OR8H2: variants seen among roughly 807,000 people sequenced by gnomAD.
OR8H2 encodes the protein olfactory receptor 8H2.
For missense variants in OR8H2, 374 were observed against 371.1 expected (o/e 1.01, Z -0.06); for synonymous variants, 157 against 139.2 (o/e 1.13, Z -0.90).
In OR8H2 at chr11:56,105,398, C is replaced by G. The variant is rs1375063231; in HGVS notation, c.356C>G (p.Ala119Gly). ...TAECYLLSSM[A>G]HDRYAAICSP... Reference sequence around the variant, plus strand: ...GAATGTTACCTTCTCTCCTCAATGGCCCATGATCGCTATGCAGCGATCTGC... The same window carrying G: ...GAATGTTACCTTCTCTCCTCAATGGGCCATGATCGCTATGCAGCGATCTGC... Residue 119 changes from alanine (A) to glycine (G), a missense_variant, in exon 2 of 2, where the codon GCC becomes GGC. Coordinates refer to ENST00000313503, the MANE Select transcript of OR8H2 (RefSeq NM_001386064.1). The G allele has an allele frequency of 7.4e-6, 12 of 1,614,104 alleles. No homozygotes were observed. The highest frequency in any genetic ancestry group is 9.3e-6 in the Non-Finnish European group (11 of 1,180,018).
At position 56,104,991 on chromosome 11, in the gene OR8H2, C is replaced by A. The variant is rs550210342; in HGVS notation, c.-52C>A. On this transcript the variant is annotated 5_prime_UTR_variant, in exon 2 of 2. Coordinates refer to ENST00000313503, the MANE Select transcript of OR8H2 (RefSeq NM_001386064.1). ...CTTCTCCAGTAGCTGGGATTACAGG[C>A]GCCCCTGCTACGTATCAGCTTTGAT... 12 of 1,459,994 alleles carry A rather than the reference C, an allele frequency of 8.2e-6. No individual in the cohort carries two copies. The South Asian group carries it at 1.2e-4, about 14-fold the overall frequency. The allele number at this position is 1,459,994 out of a possible 1,614,324, so 90.4% of individuals were successfully genotyped here.
chr11:56,105,085 C>T lies in OR8H2; in HGVS notation c.43C>T (p.Leu15Phe), dbSNP rs1467889462. The T allele has an allele frequency of 3.7e-6, 6 of 1,613,908 alleles. No individual in the cohort carries two copies. In the Admixed American group the frequency reaches 6.7e-5, roughly 18 times the overall value. ...TAACACAAATGTGGCTGACTTCATC[C>T]TTATGGGACTGACACTTTCTGAAGA... ...RNNTNVADFILMGLTLSEEIQ... is the reference protein window; with the variant it reads ...RNNTNVADFIFMGLTLSEEIQ... The change falls in exon 2 of 2, where the codon CTT (leucine) becomes TTT (phenylalanine). Residue 15 changes from leucine (L) to phenylalanine (F), a missense_variant. Leu to Phe is a conservative substitution (Grantham distance 22). Transcript: ENST00000313503.
Position 56,105,533 on chromosome 11 carries a change from G to A in OR8H2, c.491G>A (p.Ser164Asn). 3.1e-6 allele frequency: 5 copies of A among 1,614,192 alleles called. No individual in the cohort carries two copies. The highest frequency in any genetic ancestry group is 4.2e-6 in the Non-Finnish European group (5 of 1,180,034). The change falls in exon 2 of 2, where the codon AGC becomes AAC. Residue 164 changes from serine to asparagine, a missense_variant. By Grantham distance (46) the Ser-to-Asn change is conservative (BLOSUM62 1). Transcript: ENST00000313503. Reference sequence around the variant, plus strand: ...TCCTTTGTCAACGTGGTTTCCATGAGCAGATTGCATTTCTACGACTCAAAC... The same window carrying A: ...TCCTTTGTCAACGTGGTTTCCATGAACAGATTGCATTTCTACGACTCAAAC... ...IDSFVNVVSMSRLHFYDSNVI... is the reference protein window; with the variant it reads ...IDSFVNVVSMNRLHFYDSNVI...
chr11:56,104,276 T>C (rs1330873384), intron 1 of OR8H2, among the ~76,000 whole-genome samples: 3 of 152,106 alleles, frequency 2.0e-5, no homozygotes, highest in African/African-American at 4.8e-5. Flanking sequence ...TCTATAATTT[T>C]AATGTAGCTA....
intron 1 of OR8H2, among the ~76,000 whole-genome samples, 159 bp from the exon 2 acceptor site, chr11:56,104,713 A>C (rs1854024636): frequency 6.6e-6 from 1 of 152,224 alleles, no homozygotes; most frequent in South Asian, 2.1e-4. Context: ...TGCAAATGTT[A>C]ATTTGTACTT....
In OR8H2 at chr11:56,104,989, G is replaced by A; in HGVS notation, c.-54G>A. The A allele has an allele frequency of 6.8e-7, 1 of 1,464,324 alleles. No homozygotes were observed. The highest frequency in any genetic ancestry group is 9.3e-7 in the Non-Finnish European group (1 of 1,075,906). The allele number at this position is 1,464,324 out of a possible 1,614,324, so 90.7% of individuals were successfully genotyped here. A position where few individuals can be genotyped will look rare whatever the true frequency, so the allele number is the denominator to read the frequency against. On this transcript the variant is annotated 5_prime_UTR_variant, in exon 2 of 2. Coordinates refer to ENST00000313503, the MANE Select transcript of OR8H2 (RefSeq NM_001386064.1). Reference sequence around the variant, plus strand: ...AGCTTCTCCAGTAGCTGGGATTACAGGCGCCCCTGCTACGTATCAGCTTTG... The same window carrying A: ...AGCTTCTCCAGTAGCTGGGATTACAAGCGCCCCTGCTACGTATCAGCTTTG...
Position 56,103,761 on chromosome 11 carries a change from T to G in OR8H2, c.-398T>G, listed in dbSNP as rs1489533132. ...AATAACTTCTTGGTAATCTTTCCATTAGACCAGAACCTAAACAAAATTTCT... is the reference window on the plus strand; with the variant it reads ...AATAACTTCTTGGTAATCTTTCCATGAGACCAGAACCTAAACAAAATTTCT... On this transcript the variant is annotated 5_prime_UTR_variant, in exon 1 of 2. The change creates a new upstream start codon in the 5' untranslated region. Transcript: ENST00000313503. The G allele has an allele frequency of 1.3e-5, 2 of 152,310 alleles. No homozygotes were observed. Among genetic ancestry groups the G allele is most frequent in the East Asian group, 3.9e-4 (2 of 5,184 alleles). 9.4% of individuals were successfully genotyped at this position (152,310 alleles called of 1,614,324 possible).
rs1854058289 is a variant in OR8H2, at chr11:56,106,575, A to G, written c.*594A>G. 2.0e-5 allele frequency: 3 copies of G among 152,092 alleles called. No homozygotes were observed. The East Asian group carries it at 5.8e-4, about 29-fold the overall frequency. 9.4% of individuals were successfully genotyped at this position (152,092 alleles called of 1,614,324 possible). On this transcript the variant is annotated 3_prime_UTR_variant, in exon 2 of 2. Transcript: ENST00000313503. ...AGGGTAGTTGTAGAGTATTTAAAGC[A>G]ATAATAATTAATGCTTCCCATTATC...
chr11:56,104,875 C>G lies in OR8H2; in HGVS notation c.-168C>G. On this transcript the variant is annotated 5_prime_UTR_variant, in exon 2 of 2. Coordinates refer to ENST00000313503, the MANE Select transcript of OR8H2 (RefSeq NM_001386064.1). Reference sequence around the variant, plus strand: ...TGTTTTTTGTTTTTTGAGTCAGAGTCTGGCACAGTCGCCAGGGCTGGAATG... The same window carrying G: ...TGTTTTTTGTTTTTTGAGTCAGAGTGTGGCACAGTCGCCAGGGCTGGAATG... The G allele has an allele frequency of 3.6e-6, 2 of 559,282 alleles. No individual in the cohort carries two copies. 34.6% of individuals were successfully genotyped at this position (559,282 alleles called of 1,614,324 possible).
rs1854059339 is a variant in OR8H2 at position 56,106,666 on chromosome 11, AT to A, written c.*690del. ...AATGTAAACTTGTGTTTAACAAATTATTTTTGGTTAATTTAATTGACAGAAC... is the reference window on the plus strand; with the variant it reads ...AATGTAAACTTGTGTTTAACAAATTATTTTGGTTAATTTAATTGACAGAAC... On this transcript the variant is annotated 3_prime_UTR_variant, in exon 2 of 2. Transcript: ENST00000313503. The A allele has an allele frequency of 1.3e-5, 2 of 152,044 alleles. No individual in the cohort carries two copies. The highest frequency in any genetic ancestry group is 4.1e-4 in the South Asian group (2 of 4,828). 9.4% of individuals were successfully genotyped at this position (152,044 alleles called of 1,614,324 possible). A position where few individuals can be genotyped will look rare whatever the true frequency, so the allele number is the denominator to read the frequency against.
At position 56,106,111 on chromosome 11, in the gene OR8H2, C is replaced by A; in HGVS notation, c.*130C>A. 3.1e-6 allele frequency: 2 copies of A among 637,558 alleles called. No individual in the cohort carries two copies. The highest frequency in any genetic ancestry group is 5.3e-6 in the Non-Finnish European group (2 of 379,162). The allele number at this position is 637,558 out of a possible 1,614,324, so 39.5% of individuals were successfully genotyped here. A position where few individuals can be genotyped will look rare whatever the true frequency, so the allele number is the denominator to read the frequency against. On this transcript the variant is annotated 3_prime_UTR_variant, in exon 2 of 2. Coordinates refer to ENST00000313503, the MANE Select transcript of OR8H2 (RefSeq NM_001386064.1). The stretch of plus-strand genomic sequence containing the variant: ...TGCATTTCTGTTGTGCTACCCTTTG[C>A]TTCACTAAACATGATTTTAAACATT...
chr11:56,106,236 G>A lies in OR8H2; in HGVS notation c.*255G>A, dbSNP rs1854054516. On this transcript the variant is annotated 3_prime_UTR_variant, in exon 2 of 2. Transcript: ENST00000313503. ...ATATGTGTTTGAAGCAACTGATGTG[G>A]AAAATAAGAAAATATGGTTGTCATT... 1 of 253,216 alleles carries A rather than the reference G, an allele frequency of 3.9e-6. No homozygotes were observed. The highest frequency in any genetic ancestry group is 5.1e-5 in the Admixed American group (1 of 19,742). The allele number at this position is 253,216 out of a possible 1,614,324, so 15.7% of individuals were successfully genotyped here. A position where few individuals can be genotyped will look rare whatever the true frequency, so the allele number is the denominator to read the frequency against.
chr11:56,106,542 C>G lies in OR8H2; in HGVS notation c.*561C>G, dbSNP rs893193589. The G allele has an allele frequency of 3.9e-5, 6 of 152,298 alleles. No homozygotes were observed. The highest frequency in any genetic ancestry group is 1.4e-4 in the African/African-American group (6 of 41,444). The allele number at this position is 152,298 out of a possible 1,614,324, so 9.4% of individuals were successfully genotyped here. A position where few individuals can be genotyped will look rare whatever the true frequency, so the allele number is the denominator to read the frequency against. Reference sequence around the variant, plus strand: ...CACAAGATAAATAATAACTCCAAATCTGATCAGAGGGTAGTTGTAGAGTAT... The same window carrying G: ...CACAAGATAAATAATAACTCCAAATGTGATCAGAGGGTAGTTGTAGAGTAT... On this transcript the variant is annotated 3_prime_UTR_variant, in exon 2 of 2. Transcript: ENST00000313503.
Position 56,106,970 on chromosome 11 carries a change from C to G in OR8H2, c.*989C>G, listed in dbSNP as rs1430438490. The G allele has an allele frequency of 6.6e-6, 1 of 151,820 alleles. No individual in the cohort carries two copies. Among genetic ancestry groups the G allele is most frequent in the African/African-American group, 2.4e-5 (1 of 41,402 alleles). The allele number at this position is 151,820 out of a possible 1,614,324, so 9.4% of individuals were successfully genotyped here. A position where few individuals can be genotyped will look rare whatever the true frequency, so the allele number is the denominator to read the frequency against. On this transcript the variant is annotated 3_prime_UTR_variant, in exon 2 of 2. Coordinates refer to ENST00000313503, the MANE Select transcript of OR8H2 (RefSeq NM_001386064.1). ...GAGTTTTGTGCATGTTCTTCTAGAT[C>G]AATAGTTTCAAATATGTGCATGTAT...
rs1254009885 is a variant in OR8H2 at position 56,105,697 on chromosome 11, G to A, written c.655G>A (p.Val219Met). The A allele has an allele frequency of 6.2e-7, 1 of 1,614,078 alleles. No homozygotes were observed. Among genetic ancestry groups the A allele is most frequent in the South Asian group, 1.1e-5 (1 of 91,086 alleles). Residue 219 changes from valine to methionine, a missense_variant, in exon 2 of 2, where the codon GTG becomes ATG. Physicochemically the swap from Val to Met is conservative, Grantham distance 21 (BLOSUM62 1). Coordinates refer to ENST00000313503, the MANE Select transcript of OR8H2 (RefSeq NM_001386064.1). ...CCTTTTCACAATATCTGCATCCTAT[G>A]TGTTCATTCTCTTTACCATCCTGAA... ...VSLFTISASY[V>M]FILFTILKIN...
At position 56,105,956 on chromosome 11, in the gene OR8H2, T is replaced by C. The variant is rs763111162; in HGVS notation, c.914T>C (p.Met305Thr). 4 of 1,586,316 alleles carry C rather than the reference T, an allele frequency of 2.5e-6. No individual in the cohort carries two copies. The highest frequency in any genetic ancestry group is 1.2e-5 in the South Asian group (1 of 86,248). ...GTGAAAAATGCTGTCATCAGAGTCATGCAGAGAAGACAGGACTCCAGGTAA... is the reference window on the plus strand; with the variant it reads ...GTGAAAAATGCTGTCATCAGAGTCACGCAGAGAAGACAGGACTCCAGGTAA... ...KEVKNAVIRV[M>T]QRRQDSR The change falls in exon 2 of 2, where the codon ATG becomes ACG. Residue 305 changes from methionine to threonine, a missense_variant. Transcript: ENST00000313503.
intron 1 of OR8H2, 34 bp from the exon 2 acceptor site, chr11:56,104,837 GT>G (rs35552904): frequency 7.9e-6 from 3 of 378,942 alleles, no homozygotes; most frequent in African/African-American, 4.3e-5. Context: ...TAAACAGAAA[GT>G]TTTTTTTTGT....
In OR8H2 at chr11:56,105,858, A is replaced by G. The variant is rs11227212; in HGVS notation, c.816A>G (p.Gln272=). ...PRKSYSLGRD[Q]VASVFYTIVI... is the part of the protein sequence containing the mutation. The stretch of plus-strand genomic sequence containing the variant: ...AGTCTTATTCCTTGGGAAGAGATCA[A>G]GTGGCTTCTGTTTTTTATACTATTG... The change falls in exon 2 of 2, where the codon CAA becomes CAG. Residue 272 remains glutamine, a synonymous_variant. Coordinates refer to ENST00000313503, the MANE Select transcript of OR8H2 (RefSeq NM_001386064.1). The G allele has an allele frequency of 0.12, 194,852 of 1,611,742 alleles. 12,725 individuals carry two copies. Among genetic ancestry groups the G allele is most frequent in the East Asian group, 0.15 (6,686 of 44,842 alleles).
rs1312144543 is a variant in OR8H2 at position 56,105,340 on chromosome 11, C to A, written c.298C>A (p.Gln100Lys). The stretch of plus-strand genomic sequence containing the variant: ...TATTTCCTTTACGGGCTGCTTTGCC[C>A]AGATGTTCTTTTTTGCCTTCTTGGG... ...NYISFTGCFAQMFFFAFLGTA... is the reference protein window; with the variant it reads ...NYISFTGCFAKMFFFAFLGTA... The change falls in exon 2 of 2, where the codon CAG (glutamine) becomes AAG (lysine). Residue 100 changes from glutamine (Q) to lysine (K), a missense_variant. Gln to Lys is a moderately conservative substitution (Grantham distance 53). Coordinates refer to ENST00000313503, the MANE Select transcript of OR8H2 (RefSeq NM_001386064.1). The A allele has an allele frequency of 6.2e-7, 1 of 1,614,154 alleles. No homozygotes were observed. The highest frequency in any genetic ancestry group is 2.2e-5 in the East Asian group (1 of 44,876).
Sources: gnomAD v4.1 joint callset for allele counts (sites outside exome capture counted in the v4.1 genomes callset) on GRCh38, gnomAD v4.1.1 for gene constraint, MANE v1.5 for transcripts, NCBI Gene and HGNC (gene_info 2026-07-23, HGNC 2026-07-21) for gene names.